Variants in NRP2 observed in about 807,000 individuals in gnomAD.
NRP2 encodes the protein neuropilin-2.
Under a neutral mutation model 110.4 loss-of-function variants are expected in NRP2, and 52 were observed. That is an observed-to-expected ratio of 0.47 (90% CI 0.38 to 0.59). The LOEUF is 0.59. NRP2 is among the 20% of genes least tolerant of loss of function. NRP2 has a pLI of 0.00. For missense variants in NRP2, 1,049 were observed against 1,203.0 expected (o/e 0.87, Z 1.89); for synonymous variants, 508 against 468.9 (o/e 1.08, Z -1.08).
chr2:205,722,493 C>T lies in NRP2; in HGVS notation c.449C>T (p.Ser150Leu). The T allele has an allele frequency of 6.2e-7, 1 of 1,614,062 alleles. No homozygotes were observed. Among genetic ancestry groups the T allele is most frequent in the Non-Finnish European group, 8.5e-7 (1 of 1,179,952 alleles). Residue 150 changes from serine to leucine, a missense_variant, in exon 4 of 17, where the codon TCA becomes TTA. Ser to Leu is a moderately radical substitution (Grantham distance 145). Transcript: ENST00000357785. The stretch of plus-strand genomic sequence containing the variant: ...TTACATACAGGCTCTGAAGATTGCT[C>T]AAAAAACTTCACAAGCCCCAACGGG... The part of the protein sequence containing the change: ...EIFKTGSEDC[S>L]KNFTSPNGTI...
At chr2:205,745,932 T>C in intron 10 of NRP2, 42 bp downstream of exon 10, 1 of 1,611,952 alleles carries the variant, frequency 6.2e-7, no homozygotes, top group Non-Finnish European at 8.5e-7. Context: ...ACCCACATGG[T>C]CCTCTGACCC....
At chr2:205,738,982 A>G (rs1421788477) in intron 7 of NRP2, among the ~76,000 whole-genome samples, 1 of 152,214 alleles carries the variant, frequency 6.6e-6, no homozygotes, top group Non-Finnish European at 1.5e-5. Context: ...AACCTTAGCA[A>G]GCAGGAAATA....
chr2:205,737,678 G>T (rs1055354297), intron 7 of NRP2, among the ~76,000 whole-genome samples: 3 of 152,242 alleles, frequency 2.0e-5, no homozygotes, highest in Non-Finnish European at 2.9e-5. Context: ...GCTTGGAAAC[G>T]TGAAGGGTAA....
intron 3 of NRP2, among the ~76,000 whole-genome samples, 180 bp downstream of exon 3, chr2:205,716,554 A>G (rs2056900295): frequency 2.6e-5 from 1 of 37,892 alleles, no homozygotes; most frequent in African/African-American, 1.1e-4. Flanking sequence ...ATTATCCACC[A>G]GCTTAAGGGG....
intron 7 of NRP2, among the ~76,000 whole-genome samples, chr2:205,735,297 A>G (rs573251981): frequency 3.3e-5 from 5 of 152,224 alleles, no homozygotes; most frequent in Admixed American, 2.6e-4. Flanking sequence ...GTCCTCAGCT[A>G]TGTCAGTCAC....
At chr2:205,729,550 G>T (rs913262949) in intron 7 of NRP2, among the ~76,000 whole-genome samples, 1 of 152,188 alleles carries the variant, frequency 6.6e-6, no homozygotes, top group South Asian at 2.1e-4. Context: ...AAGCCAGGCA[G>T]GGGTGGTCCC....
At chr2:205,698,662 A>G (rs1485515500) in intron 2 of NRP2, among the ~76,000 whole-genome samples, 1 of 152,212 alleles carries the variant, frequency 6.6e-6, no homozygotes, top group Non-Finnish European at 1.5e-5. Context: ...TCCATCTTAA[A>G]GTCTTTTCTC....
rs1291868159 is a variant in NRP2, at chr2:205,749,747, G to A, written c.1809G>A (p.Thr603=). 5.0e-6 allele frequency: 8 copies of A among 1,613,966 alleles called. No individual in the cohort carries two copies. The highest frequency in any genetic ancestry group is 2.7e-5 in the African/African-American group (2 of 74,922). ...CAGACTCCAAGCCCACGGTAGAGAC[G>A]CTGGGACCCACTGTGAAGAGCGAAG... is the stretch of plus-strand genomic sequence containing the variant. ...DWTDSKPTVE[T]LGPTVKSEET... Residue 603 remains threonine (T), a synonymous_variant, in exon 11 of 17, where the codon ACG becomes ACA. Transcript: ENST00000357785.
At chr2:205,752,589 C>G (rs2057666151) in intron 11 of NRP2, 1 of 518,118 alleles carries the variant, frequency 1.9e-6, no homozygotes, top group Non-Finnish European at 3.5e-6. Context: ...CATTTGGTAG[C>G]CTCATTCATA....
In NRP2 at chr2:205,796,007, G is replaced by A. The variant is rs1052931500; in HGVS notation, c.*949G>A. 5 of 152,168 alleles carry A rather than the reference G, an allele frequency of 3.3e-5. No individual in the cohort carries two copies. The East Asian group carries it at 9.6e-4, about 29-fold the overall frequency. The allele number at this position is 152,168 out of a possible 1,614,324, so 9.4% of individuals were successfully genotyped here. A position where few individuals can be genotyped will look rare whatever the true frequency, so the allele number is the denominator to read the frequency against. On this transcript the variant is annotated 3_prime_UTR_variant, in exon 17 of 17. Coordinates refer to ENST00000357785, the MANE Select transcript of NRP2 (RefSeq NM_003872.3). Reference sequence around the variant, plus strand: ...ATATTCTTCAGGTCTCTAAGCCCCTGGAAGCAGCATTGTGTGATATTCTCA... The same window carrying A: ...ATATTCTTCAGGTCTCTAAGCCCCTAGAAGCAGCATTGTGTGATATTCTCA...
intron 8 of NRP2, 76 bp downstream of exon 8, chr2:205,740,739 A>T: frequency 6.5e-7 from 1 of 1,545,504 alleles, no homozygotes; most frequent in East Asian, 2.3e-5. Flanking sequence ...CTCTGCAAAC[A>T]GCATGACTGC....
Position 205,763,802 on chromosome 2 carries a change from G to A in NRP2, c.2173G>A (p.Gly725Ser), listed in dbSNP as rs1368890399. The A allele has an allele frequency of 6.2e-7, 1 of 1,614,106 alleles. No homozygotes were observed. The highest frequency in any genetic ancestry group is 8.5e-7 in the Non-Finnish European group (1 of 1,180,004). ...GGAGTTCCAGTACCAGGCCACGGGC[G>A]GCCGCGGGGTGGCGCTGCAGGTGGT... ...CMEFQYQATG[G>S]RGVALQVVRE... Residue 725 changes from glycine to serine, a missense_variant, in exon 13 of 17, where the codon GGC (glycine) becomes AGC (serine). Transcript: ENST00000357785. The surrounding 1 kb of genome is among the most constrained non-coding windows in gnomAD (Gnocchi z 4.0).
chr2:205,684,821 C>G (rs2056106072), intron 1 of NRP2, among the ~76,000 whole-genome samples: 1 of 152,214 alleles, frequency 6.6e-6, no homozygotes, highest in African/African-American at 2.4e-5. Flanking sequence ...ACTCACAGAC[C>G]TGGATGCTGC....
At chr2:205,772,319 G>T (rs2058035367) in intron 15 of NRP2, among the ~76,000 whole-genome samples, 1 of 152,194 alleles carries the variant, frequency 6.6e-6, no homozygotes, top group Admixed American at 6.5e-5. Flanking sequence ...GGAATGACCG[G>T]AACACTACCT....
chr2:205,727,278 G>T (rs1422142666), intron 6 of NRP2, among the ~76,000 whole-genome samples: 1 of 152,202 alleles, frequency 6.6e-6, no homozygotes, highest in Non-Finnish European at 1.5e-5. Context: ...AATGGGTTTG[G>T]CATTGTGGGA....
intron 13 of NRP2, among the ~76,000 whole-genome samples, chr2:205,764,892 C>G (rs1236642695): frequency 6.6e-6 from 1 of 152,148 alleles, no homozygotes; most frequent in South Asian, 2.1e-4. Context: ...GGGCAGAGAT[C>G]TTGTCTTACT....
intron 1 of NRP2, among the ~76,000 whole-genome samples, chr2:205,693,408 C>T (rs1401482091): frequency 6.6e-6 from 1 of 151,980 alleles, no homozygotes; most frequent in Non-Finnish European, 1.5e-5. Flanking sequence ...GAGCTGAGGG[C>T]AGGAACTAGG....
chr2:205,797,034 G>GT lies in NRP2; in HGVS notation c.*1977dup. On this transcript the variant is annotated 3_prime_UTR_variant, in exon 17 of 17. Transcript: ENST00000357785. ...AACCAACAGCTGTTTATTCATGTGTGTGTGTCTTTGCTGCTTTGAGTTCTC... is the reference window on the plus strand; with the variant it reads ...AACCAACAGCTGTTTATTCATGTGTGTTGTGTCTTTGCTGCTTTGAGTTCTC... 6.5e-6 allele frequency: 1 copy of GT among 152,812 alleles called. No individual in the cohort carries two copies. Among genetic ancestry groups the GT allele is most frequent in the South Asian group, 2.1e-4 (1 of 4,826 alleles). 9.5% of individuals were successfully genotyped at this position (152,812 alleles called of 1,614,324 possible).
chr2:205,761,536 T>G (rs1175340145), intron 12 of NRP2: 1 of 152,216 alleles, frequency 6.6e-6, no homozygotes, highest in African/African-American at 2.4e-5. Context: ...GGATTAATGT[T>G]GCATGTGCCA....
Sources: allele counts gnomAD v4.1 joint callset (sites outside exome capture counted in the v4.1 genomes callset), GRCh38; gene constraint gnomAD v4.1.1; non-coding constraint Gnocchi (gnomAD v3.1); transcripts MANE v1.5; gene names NCBI Gene and HGNC (gene_info 2026-07-23, HGNC 2026-07-21).